SCAPER: variants seen among roughly 807,000 people sequenced by gnomAD.
SCAPER encodes the protein S-phase cyclin A associated protein in the ER, also known as S phase cyclin A-associated protein in the endoplasmic reticulum.
SCAPER carries 98 observed loss-of-function variants against 182.2 expected under a neutral mutation model. The ratio of observed to expected loss-of-function variants is 0.54; its 90% CI spans 0.46 to 0.64. The LOEUF is 0.64. Ranked by LOEUF, SCAPER falls within the 30% of genes least tolerant of loss-of-function variation. SCAPER has a pLI of 0.00. For missense variants in SCAPER, 1,432 were observed against 1,690.0 expected (o/e 0.85, Z 2.68); for synonymous variants, 605 against 564.6 (o/e 1.07, Z -1.01).
chr15:76,823,099 T>C (rs1433050604), intron 5 of SCAPER, among the ~76,000 whole-genome samples: 1 of 152,262 alleles, frequency 6.6e-6, no homozygotes, highest in Non-Finnish European at 1.5e-5. Context: ...CTTAGTCTGA[T>C]TTTGTATTAT....
intron 21 of SCAPER, among the ~76,000 whole-genome samples, chr15:76,657,419 C>G (rs926761897): frequency 1.3e-5 from 2 of 151,620 alleles, no homozygotes; most frequent in Non-Finnish European, 2.9e-5. Context: ...AGCCTATGAA[C>G]CAGAAAAAGC....
At chr15:76,666,195 G>C (rs1167822290) in intron 20 of SCAPER, among the ~76,000 whole-genome samples, 1 of 152,164 alleles carries the variant, frequency 6.6e-6, no homozygotes, top group East Asian at 1.9e-4. Flanking sequence ...GGAAACTTCA[G>C]CAAGGAAGCA....
chr15:76,385,262 T>C (rs1394143260), intron 27 of SCAPER: 2 of 152,224 alleles, frequency 1.3e-5, no homozygotes, highest in East Asian at 3.8e-4. Context: ...ACTTATACAC[T>C]GGGCCTTAGT....
intron 16 of SCAPER, among the ~76,000 whole-genome samples, chr15:76,729,866 T>A (rs2060817689): frequency 1.3e-5 from 2 of 152,138 alleles, no homozygotes; most frequent in Non-Finnish European, 2.9e-5. Flanking sequence ...GTCACTAACA[T>A]GTTCCTCATC....
At chr15:76,633,507 C>T (rs2053330151) in intron 21 of SCAPER, among the ~76,000 whole-genome samples, 1 of 152,284 alleles carries the variant, frequency 6.6e-6, no homozygotes, top group South Asian at 2.1e-4. Flanking sequence ...CCCTGACTCA[C>T]CAGAGCCAGC....
intron 22 of SCAPER, among the ~76,000 whole-genome samples, chr15:76,603,880 T>C (rs969953204): frequency 8.2e-6 from 1 of 121,862 alleles, no homozygotes; most frequent in African/African-American, 2.5e-5. Flanking sequence ...ATGGGGTTGT[T>C]TTTTTTCTTG....
intron 26 of SCAPER, among the ~76,000 whole-genome samples, chr15:76,405,724 T>C (rs2044779918): frequency 6.6e-6 from 1 of 152,238 alleles, no homozygotes; most frequent in Non-Finnish European, 1.5e-5. Context: ...AATTCAATGC[T>C]ACTGCACTGA....
chr15:76,887,435 G>A (rs1256527097), intron 1 of SCAPER, among the ~76,000 whole-genome samples: 2 of 152,054 alleles, frequency 1.3e-5, no homozygotes, highest in East Asian at 1.9e-4. Flanking sequence ...CTGGAAAATC[G>A]GTACACTCTC....
rs183483188 is a variant in SCAPER, at chr15:76,881,060, C to T, written c.6+2752G>A. ...TACAAGTTCCACTTTTGGTTACGTA[C>T]CCGAAATAACTGAAAACAGTTCTTT... On this transcript the variant is annotated intron_variant, in intron 2 of 31. Coordinates refer to ENST00000563290, the MANE Select transcript of SCAPER (RefSeq NM_020843.4). Among the ~76,000 whole-genome samples the T allele has an allele frequency of 9.3e-4, 142 of 152,206 alleles. No individual in the cohort carries two copies. In the Middle Eastern group the frequency reaches 0.01, roughly 11 times the overall value.
At chr15:76,583,619 T>C (rs769042918) in intron 22 of SCAPER, among the ~76,000 whole-genome samples, 1 of 152,120 alleles carries the variant, frequency 6.6e-6, no homozygotes, top group African/African-American at 2.4e-5. Context: ...AAGATCTGAA[T>C]AGACATTTCT....
intron 25 of SCAPER, among the ~76,000 whole-genome samples, chr15:76,468,159 T>G (rs1158095322): frequency 1.3e-5 from 2 of 152,052 alleles, no homozygotes; most frequent in Non-Finnish European, 2.9e-5. Context: ...CAAGTGATTT[T>G]CAGAAACATA....
chr15:76,752,577 C>T (rs770581956), intron 15 of SCAPER, among the ~76,000 whole-genome samples: 1 of 151,668 alleles, frequency 6.6e-6, no homozygotes, highest in Non-Finnish European at 1.5e-5. Flanking sequence ...CTAACATATG[C>T]TATAACACTG....
intron 15 of SCAPER, among the ~76,000 whole-genome samples, chr15:76,740,038 T>A (rs906745139): frequency 3.3e-5 from 5 of 152,136 alleles, no homozygotes; most frequent in Non-Finnish European, 5.9e-5. Context: ...TTGTGGCACA[T>A]GCCTATAGTC....
intron 15 of SCAPER, among the ~76,000 whole-genome samples, chr15:76,742,441 G>GGAAT (rs2061592977): frequency 2.3e-5 from 1 of 44,180 alleles, no homozygotes; most frequent in Non-Finnish European, 4.2e-5. Flanking sequence ...CACAGCACAA[G>GGAAT]GAATAAGAAA....
chr15:76,583,650 G>A (rs1291604010), intron 22 of SCAPER, among the ~76,000 whole-genome samples: 1 of 152,054 alleles, frequency 6.6e-6, no homozygotes, highest in Non-Finnish European at 1.5e-5. Flanking sequence ...CATACAAATG[G>A]CACACAGGTA....
At chr15:76,461,896 C>CA (rs1323403310) in intron 25 of SCAPER, among the ~76,000 whole-genome samples, 4 of 152,282 alleles carry the variant, frequency 2.6e-5, no homozygotes, top group South Asian at 2.1e-4. Context: ...TTGTTGGACT[C>CA]AAACTGCAAA....
chr15:76,414,558 C>T (rs2045525549), intron 26 of SCAPER, among the ~76,000 whole-genome samples: 1 of 151,736 alleles, frequency 6.6e-6, no homozygotes, highest in Admixed American at 6.6e-5. Context: ...CATGGAATGA[C>T]ATCTTTAAAG....
chr15:76,795,085 A>G (rs2065232821), intron 8 of SCAPER, among the ~76,000 whole-genome samples, 195 bp downstream of exon 8: 1 of 152,216 alleles, frequency 6.6e-6, no homozygotes, highest in African/African-American at 2.4e-5. Flanking sequence ...TGAAACTAGA[A>G]TGATCTCCAT....
intron 24 of SCAPER, among the ~76,000 whole-genome samples, chr15:76,486,059 T>C (rs776150914): frequency 1.3e-5 from 2 of 151,956 alleles, no homozygotes; most frequent in African/African-American, 2.4e-5. Context: ...TACAAAAAAT[T>C]AGCTGGGCAT....
Sources: gnomAD v4.1 joint callset for allele counts (sites outside exome capture counted in the v4.1 genomes callset) on GRCh38, gnomAD v4.1.1 for gene constraint, MANE v1.5 for transcripts, NCBI Gene and HGNC (gene_info 2026-07-23, HGNC 2026-07-21) for gene names.